The following SANBR variants were observed in gnomAD, a reference collection of about 807,000 sequenced individuals.
SANBR encodes SANT and BTB domain regulator of class switch recombination.
In SANBR, 77 loss-of-function variants were observed where a neutral mutation model predicts 101.8. The ratio of observed to expected loss-of-function variants is 0.76; its 90% CI spans 0.63 to 0.91. The LOEUF (loss-of-function observed/expected upper bound fraction) is 0.91, where lower values mean the gene tolerates loss of function less well. SANBR is among the 40% of genes least tolerant of loss of function. The probability of loss-of-function intolerance (pLI) is 0.00; values close to 1 mark genes in which losing one functional copy is unlikely to be tolerated. For missense variants in SANBR, 875 were observed against 853.0 expected, an observed-to-expected ratio of 1.03 and a Z score of -0.32; for synonymous variants, 279 against 274.7, an observed-to-expected ratio of 1.02 and a Z score of -0.15.
At chr2:61,083,422 G>A (rs1682248257) in intron 8 of SANBR, 108 bp downstream of exon 8, 1 of 796,014 alleles carries the variant, frequency 1.3e-6, no homozygotes, top group Admixed American at 2.7e-5. Context: ...TTTGAGAAAG[G>A]TTCTCACTCT....
intron 8 of SANBR, among the ~76,000 whole-genome samples, chr2:61,087,589 C>T (rs967882985): frequency 1.3e-5 from 2 of 151,870 alleles, no homozygotes; most frequent in Non-Finnish European, 2.9e-5. Flanking sequence ...CAGTGGCTCA[C>T]GCCTGTAATC....
At chr2:61,110,550 G>T (rs1442321647) in intron 16 of SANBR, among the ~76,000 whole-genome samples, 1 of 152,204 alleles carries the variant, frequency 6.6e-6, no homozygotes, top group Non-Finnish European at 1.5e-5. Flanking sequence ...ATAATGACGG[G>T]TTCCTGTAAT....
chr2:61,082,138 C>T (rs1263307072), intron 7 of SANBR, among the ~76,000 whole-genome samples: 6 of 152,148 alleles, frequency 3.9e-5, no homozygotes, highest in African/African-American at 1.2e-4. Context: ...ACCCAAAGTG[C>T]TGGGATTATA....
chr2:61,069,688 G>C (rs570046228), intron 2 of SANBR: 1 of 152,282 alleles, frequency 6.6e-6, no homozygotes, highest in Admixed American at 6.5e-5. Context: ...CTCAGTAAAT[G>C]TTTGAATAAA....
chr2:61,115,776 C>A (rs1015522414), intron 16 of SANBR: 1 of 383,244 alleles, frequency 2.6e-6, no homozygotes, highest in Non-Finnish European at 4.7e-6. Context: ...AGAAAATGAA[C>A]CCCTGTAAAG....
intron 6 of SANBR, among the ~76,000 whole-genome samples, chr2:61,080,158 C>G (rs1051922699): frequency 7.0e-6 from 1 of 143,690 alleles, no homozygotes; most frequent in Admixed American, 7.2e-5. Context: ...GATCATGCCA[C>G]TGCACTCCAG....
At chr2:61,111,755 G>C (rs757704136) in intron 16 of SANBR, among the ~76,000 whole-genome samples, 9 of 152,088 alleles carry the variant, frequency 5.9e-5, no homozygotes, top group Non-Finnish European at 1.2e-4. Flanking sequence ...AATCTGTTTT[G>C]TCAAAACAAT....
intron 12 of SANBR, among the ~76,000 whole-genome samples, chr2:61,102,140 G>A (rs1683316035): frequency 1.3e-5 from 2 of 151,888 alleles, no homozygotes; most frequent in Non-Finnish European, 2.9e-5. Flanking sequence ...TTGGGAGGCC[G>A]AGGCGGTCAG....
At chr2:61,090,975 C>A (rs984206327) in intron 10 of SANBR, among the ~76,000 whole-genome samples, 5 of 146,518 alleles carry the variant, frequency 3.4e-5, no homozygotes, top group Non-Finnish European at 7.4e-5. Flanking sequence ...ATGGCACAAT[C>A]TTGGATCACT....
chr2:61,120,162 A>G (rs1176977354), intron 20 of SANBR, among the ~76,000 whole-genome samples: 1 of 152,336 alleles, frequency 6.6e-6, no homozygotes, highest in East Asian at 1.9e-4. Context: ...TAGAAATACT[A>G]TAAATGATGT....
chr2:61,128,694 A>G (rs981818803), downstream of SANBR, among the ~76,000 whole-genome samples: 1 of 152,028 alleles, frequency 6.6e-6, no homozygotes, highest in Non-Finnish European at 1.5e-5. Context: ...GGGTTTCGCC[A>G]TGTTGGTCAG....
In SANBR at chr2:61,066,861, G is replaced by T. The variant is rs138253011; in HGVS notation, c.-147+834G>T. Among the ~76,000 whole-genome samples, 425 of 152,248 alleles carry T rather than the reference G, an allele frequency of 2.8e-3. 1 individual carries two copies. The highest frequency in any genetic ancestry group is 9.9e-3 in the African/African-American group (411 of 41,534). The stretch of plus-strand genomic sequence containing the variant: ...GAGAAGGGGGTCGGGGAGGGGAGGG[G>T]AAGTATGTTCTTAAAAAATGAAGTC... On this transcript the variant is annotated intron_variant, in intron 1 of 21. Coordinates refer to ENST00000402291, the MANE Select transcript of SANBR (RefSeq NM_001129993.3).
At chr2:61,072,658 T>C (rs766614673) in intron 4 of SANBR, among the ~76,000 whole-genome samples, 3 of 152,032 alleles carry the variant, frequency 2.0e-5, no homozygotes, top group Non-Finnish European at 4.4e-5. Context: ...AAACCCACTT[T>C]ACTGTATCAA....
At position 61,083,257 on chromosome 2, in the gene SANBR, A is replaced by G; in HGVS notation, c.833A>G (p.Asp278Gly). The G allele has an allele frequency of 5.6e-6, 9 of 1,611,130 alleles. No individual in the cohort carries two copies. Among genetic ancestry groups the G allele is most frequent in the Non-Finnish European group, 7.6e-6 (9 of 1,177,310 alleles). Residue 278 changes from aspartate (D) to glycine (G), a missense_variant, in exon 8 of 22, where the codon GAT becomes GGT. Physicochemically the swap from Asp to Gly is moderately conservative, Grantham distance 94. Coordinates refer to ENST00000402291, the MANE Select transcript of SANBR (RefSeq NM_001129993.3). ...INANLLTRIA[D>G]LFSHNEVDDL... Reference sequence around the variant, plus strand: ...GCAAATCTTCTCACACGTATAGCTGATCTGTTCTCACACAATGAAGTTGAT... The same window carrying G: ...GCAAATCTTCTCACACGTATAGCTGGTCTGTTCTCACACAATGAAGTTGAT...
intron 16 of SANBR, among the ~76,000 whole-genome samples, chr2:61,111,178 G>T (rs1458418568): frequency 6.6e-6 from 1 of 152,118 alleles, no homozygotes; most frequent in African/African-American, 2.4e-5. Flanking sequence ...CGGATCACGA[G>T]CTCAGAAGAT....
chr2:61,117,574 G>T, intron 19 of SANBR, 34 bp downstream of exon 19: 1 of 1,498,108 alleles, frequency 6.7e-7, no homozygotes, highest in Non-Finnish European at 9.3e-7. Flanking sequence ...GTACAAATTG[G>T]ATGTAAATAG....
intron 14 of SANBR, among the ~76,000 whole-genome samples, chr2:61,108,032 A>T (rs1270079668): frequency 6.6e-6 from 1 of 152,206 alleles, no homozygotes; most frequent in Non-Finnish European, 1.5e-5. Context: ...TAGTTCTAAA[A>T]ATAACTAAAA....
chr2:61,077,767 T>C (rs1020335032), intron 6 of SANBR, among the ~76,000 whole-genome samples: 20 of 152,234 alleles, frequency 1.3e-4, no homozygotes, highest in Non-Finnish European at 7.3e-5. Flanking sequence ...AAAGCACTTG[T>C]GCGATTATTT....
rs1479600460 is a variant in SANBR, at chr2:61,123,365, C to G, written c.*1203C>G. On this transcript the variant is annotated 3_prime_UTR_variant, in exon 22 of 22. Coordinates refer to ENST00000402291, the MANE Select transcript of SANBR (RefSeq NM_001129993.3). ...ATATTGAAGTGTTACACTCAGTTTA[C>G]ACGTACAGAAATCATTCTTTTTAGT... is the stretch of plus-strand genomic sequence containing the variant. The G allele has an allele frequency of 2.0e-6, 2 of 978,636 alleles. No individual in the cohort carries two copies. The highest frequency in any genetic ancestry group is 2.2e-4 in the East Asian group (2 of 8,922). The allele number at this position is 978,636 out of a possible 1,614,324, so 60.6% of individuals were successfully genotyped here.
Sources: gnomAD v4.1 joint callset for allele counts (sites outside exome capture counted in the v4.1 genomes callset) on GRCh38, gnomAD v4.1.1 for gene constraint, MANE v1.5 for transcripts, NCBI Gene and HGNC (gene_info 2026-07-23, HGNC 2026-07-21) for gene names.